The following GPR158 variants were observed in gnomAD, a reference collection of about 807,000 sequenced individuals.
GPR158 encodes the protein metabotropic glycine receptor.
A neutral mutation model predicts 78.2 loss-of-function variants in GPR158; 30 were observed. The ratio of observed to expected loss-of-function variants is 0.38; its 90% CI spans 0.29 to 0.52. The LOEUF is 0.52. Among genes scored for constraint, GPR158 ranks in the 20% least tolerant of loss-of-function variants. The pLI, the probability that GPR158 is intolerant of heterozygous loss-of-function variation, is 0.83. For synonymous variants in GPR158, 581 were observed against 591.1 expected (o/e 0.98, Z 0.25); for missense variants, 1,463 against 1,523.5 (o/e 0.96, Z 0.66).
intron 2 of GPR158, among the ~76,000 whole-genome samples, chr10:25,260,196 T>C (rs1016201815): frequency 7.2e-5 from 11 of 152,288 alleles, no homozygotes; most frequent in Non-Finnish European, 1.2e-4. Flanking sequence ...CATACTTTAT[T>C]AGGCCAAGGA....
chr10:25,334,887 C>T (rs1358089964), intron 2 of GPR158, among the ~76,000 whole-genome samples: 3 of 151,932 alleles, frequency 2.0e-5, no homozygotes, highest in African/African-American at 7.2e-5. Flanking sequence ...AAATCAAAGT[C>T]CTTTCAAATG....
intron 2 of GPR158, among the ~76,000 whole-genome samples, chr10:25,319,530 C>A (rs1854915001): frequency 6.6e-6 from 1 of 152,010 alleles, no homozygotes; most frequent in South Asian, 2.1e-4. Context: ...TAGAATGAAA[C>A]CTAATGTGAA....
chr10:25,505,456 TC>T (rs1458111240), intron 5 of GPR158, among the ~76,000 whole-genome samples: 1 of 152,234 alleles, frequency 6.6e-6, no homozygotes, highest in Admixed American at 6.5e-5. Flanking sequence ...GATCTCCAAG[TC>T]CCTATGGTTT....
intron 2 of GPR158, among the ~76,000 whole-genome samples, chr10:25,326,062 G>T (rs112240926): frequency 0.015 from 2,332 of 152,196 alleles, 68 homozygotes; most frequent in African/African-American, 0.053. Context: ...CACCTACATA[G>T]TTAAGGCCAG....
intron 1 of GPR158, among the ~76,000 whole-genome samples, chr10:25,189,427 A>T (rs147032709): frequency 0.024 from 3,707 of 152,322 alleles, 161 homozygotes; most frequent in African/African-American, 0.084. Context: ...AAAATGTGGC[A>T]CATATACACC....
At chr10:25,572,549 T>G in intron 6 of GPR158, 100 bp from the exon 7 acceptor site, 2 of 798,494 alleles carry the variant, frequency 2.5e-6, no homozygotes, top group Non-Finnish European at 4.3e-6. Context: ...ATTAGCTGGA[T>G]TTTGGTGGGT....
chr10:25,374,109 G>A (rs904354375), intron 2 of GPR158, among the ~76,000 whole-genome samples: 1 of 151,416 alleles, frequency 6.6e-6, no homozygotes, highest in Non-Finnish European at 1.5e-5. Flanking sequence ...TATATTATTG[G>A]TGCATATATA....
chr10:25,241,180 TCTTTCTTTC>T (rs1417724908), intron 2 of GPR158, among the ~76,000 whole-genome samples: 28 of 96,806 alleles, frequency 2.9e-4, no homozygotes, highest in African/African-American at 9.7e-4. Context: ...TTTCTTTCTT[TCTTTCTTTC>T]CTTTCTTTCT....
At chr10:25,437,724 G>A (rs1273561681) in intron 4 of GPR158, among the ~76,000 whole-genome samples, 1 of 152,194 alleles carries the variant, frequency 6.6e-6, no homozygotes, top group African/African-American at 2.4e-5. Flanking sequence ...TGTCTTCTCA[G>A]AGGTACATAA....
At chr10:25,451,822 A>G (rs1028482790) in intron 4 of GPR158, among the ~76,000 whole-genome samples, 1 of 152,198 alleles carries the variant, frequency 6.6e-6, no homozygotes, top group African/African-American at 2.4e-5. Context: ...CATTATTGTT[A>G]TCATTGTTGT....
intron 2 of GPR158, among the ~76,000 whole-genome samples, chr10:25,239,952 T>C (rs1823851947): frequency 2.0e-5 from 3 of 152,342 alleles, no homozygotes; most frequent in Admixed American, 2.0e-4. Flanking sequence ...GTGGAGATTT[T>C]ATAAAGTAGT....
At chr10:25,509,697 T>C (rs1456710039) in intron 5 of GPR158, among the ~76,000 whole-genome samples, 1 of 152,136 alleles carries the variant, frequency 6.6e-6, no homozygotes, top group Non-Finnish European at 1.5e-5. Context: ...GTAAGCTGTA[T>C]TGCCTTTTAT....
rs552059497 is a variant in GPR158 at position 25,424,789 on chromosome 10, T to G, written c.1335+12316T>G. ...CCATGCTGTTTTGGTTACTGTAGCC[T>G]TGTAGAATACTTTGATGTCAGGTAG... On this transcript the variant is annotated intron_variant, in intron 4 of 10. Coordinates refer to ENST00000376351, the MANE Select transcript of GPR158 (RefSeq NM_020752.3). Among the ~76,000 whole-genome samples the G allele has an allele frequency of 2.0e-5, 3 of 152,324 alleles. No individual in the cohort carries two copies. The South Asian group carries it at 6.2e-4, about 32-fold the overall frequency.
chr10:25,427,802 A>G (rs190972980), intron 4 of GPR158, among the ~76,000 whole-genome samples: 133 of 152,168 alleles, frequency 8.7e-4, no homozygotes, highest in Non-Finnish European at 6.2e-4. Flanking sequence ...ACCCCACAAC[A>G]GATTTCATCA....
In GPR158 at chr10:25,490,522, T is replaced by C. The variant is rs562998812; in HGVS notation, c.1404+23803T>C. The stretch of plus-strand genomic sequence containing the variant: ...GTGATCTCATTGTTCAATTCCCACC[T>C]ATGAGTGAGAATATGCGGTGTTTGG... On this transcript the variant is annotated intron_variant, in intron 5 of 10. Coordinates refer to ENST00000376351, the MANE Select transcript of GPR158 (RefSeq NM_020752.3). Among the ~76,000 whole-genome samples, 331 of 137,120 alleles carry C rather than the reference T, an allele frequency of 2.4e-3. 4 individuals are homozygous for C. The highest frequency in any genetic ancestry group is 8.8e-3 in the African/African-American group (322 of 36,412). The allele number at this position is 137,120 out of a possible 152,430, so 90.0% of individuals were successfully genotyped here.
At position 25,399,154 on chromosome 10, in the gene GPR158, C is replaced by G. The variant is rs569784567; in HGVS notation, c.1111+3141C>G. 2.6e-5 allele frequency among the ~76,000 whole-genome samples: 4 copies of G among 152,078 alleles called. No homozygotes were observed. The East Asian group carries it at 7.8e-4, about 30-fold the overall frequency. Reference sequence around the variant, plus strand: ...GGGTGGCAGGAGAAAGAATGAGTGTCGAGCGAAGGGGGAAGGCCCTTATAA... The same window carrying G: ...GGGTGGCAGGAGAAAGAATGAGTGTGGAGCGAAGGGGGAAGGCCCTTATAA... On this transcript the variant is annotated intron_variant, in intron 3 of 10. Coordinates refer to ENST00000376351, the MANE Select transcript of GPR158 (RefSeq NM_020752.3).
At chr10:25,566,340 T>A (rs1836928587) in intron 6 of GPR158, among the ~76,000 whole-genome samples, 1 of 152,128 alleles carries the variant, frequency 6.6e-6, no homozygotes, top group African/African-American at 2.4e-5. Flanking sequence ...GCATATATCT[T>A]CAATATTATT....
intron 2 of GPR158, among the ~76,000 whole-genome samples, chr10:25,236,055 T>C (rs1853520314): frequency 6.6e-6 from 1 of 152,130 alleles, no homozygotes; most frequent in Admixed American, 6.5e-5. Context: ...ATGCTTGCAG[T>C]TATTATTTAT....
chr10:25,204,001 ATT>A (rs1291930530), intron 1 of GPR158, among the ~76,000 whole-genome samples: 1 of 112,006 alleles, frequency 8.9e-6, no homozygotes, highest in Non-Finnish European at 1.8e-5. Context: ...ATTCCTAGGT[ATT>A]TTATTCTTTT....
Sources: gnomAD v4.1 joint callset for allele counts (sites outside exome capture counted in the v4.1 genomes callset) on GRCh38, gnomAD v4.1.1 for gene constraint, MANE v1.5 for transcripts, NCBI Gene and HGNC (gene_info 2026-07-23, HGNC 2026-07-21) for gene names.